The following ANKRD55 variants were observed in gnomAD, a reference collection of about 807,000 sequenced individuals.
The protein encoded by ANKRD55 is ankyrin repeat domain-containing protein 55.
A neutral mutation model predicts 60.6 loss-of-function variants in ANKRD55; 41 were observed. The observed-to-expected ratio is 0.68, with a 90% CI of 0.53 to 0.88. The LOEUF (loss-of-function observed/expected upper bound fraction) is 0.88, where lower values mean the gene tolerates loss of function less well. Among genes scored for constraint, ANKRD55 ranks in the 40% least tolerant of loss-of-function variants. The pLI is 0.00. For synonymous variants in ANKRD55, 264 were observed against 290.3 expected (o/e 0.91, Z 0.92); for missense variants, 732 against 767.6 (o/e 0.95, Z 0.55).
At chr5:56,196,912 C>G (rs116119628) in intron 2 of ANKRD55, among the ~76,000 whole-genome samples, 1,912 of 152,228 alleles carry the variant, frequency 0.013, 34 homozygotes, top group African/African-American at 0.043. Context: ...CACCTGGGAA[C>G]CTGTTGGAAA....
chr5:56,150,442 G>GAA (rs59173254), intron 6 of ANKRD55, among the ~76,000 whole-genome samples: 181 of 147,984 alleles, frequency 1.2e-3, no homozygotes, highest in Middle Eastern at 0.01. Context: ...TGCCTCTACA[G>GAA]AAAAAAAAAA....
intron 3 of ANKRD55, among the ~76,000 whole-genome samples, chr5:56,177,717 G>C (rs1398568434): frequency 6.6e-6 from 1 of 152,070 alleles, no homozygotes; most frequent in Non-Finnish European, 1.5e-5. Flanking sequence ...GGAGGTTGCA[G>C]TGAGCCGAGA....
chr5:56,129,510 T>G (rs150251743), intron 7 of ANKRD55, among the ~76,000 whole-genome samples: 2,143 of 151,896 alleles, frequency 0.014, 42 homozygotes, highest in Admixed American at 0.041. Flanking sequence ...GTGGGGAGAG[T>G]TGGGGAAGCC....
Position 56,184,141 on chromosome 5 carries a change from T to C in ANKRD55, c.59-507A>G, listed in dbSNP as rs765994596. ...CCCTTGCCGAGTGCTCCACCCAGGC[T>C]CCCTCACCCTTTTGCTTGCCCATGA... On this transcript the variant is annotated intron_variant, in intron 2 of 11. Transcript: ENST00000341048. 3.9e-4 allele frequency among the ~76,000 whole-genome samples: 60 copies of C among 152,270 alleles called. 1 individual carries two copies. The highest frequency in any genetic ancestry group is 7.5e-4 in the Non-Finnish European group (51 of 68,010).
intron 6 of ANKRD55, among the ~76,000 whole-genome samples, chr5:56,145,347 C>T (rs1251381446): frequency 1.3e-5 from 2 of 152,198 alleles, no homozygotes; most frequent in African/African-American, 4.8e-5. Context: ...AAACCTTCCC[C>T]AGGCCTGGGC....
chr5:56,197,998 C>G (rs1317478944), intron 2 of ANKRD55, among the ~76,000 whole-genome samples: 1 of 152,144 alleles, frequency 6.6e-6, no homozygotes, highest in Admixed American at 6.5e-5. Context: ...GTTTTCAGTT[C>G]ATTAGACTAT....
intron 2 of ANKRD55, among the ~76,000 whole-genome samples, chr5:56,210,447 A>G (rs1208523204): frequency 6.6e-6 from 1 of 151,130 alleles, no homozygotes; most frequent in African/African-American, 2.4e-5. Flanking sequence ...CTGTAGTCCC[A>G]GCTACTCAGG....
intron 7 of ANKRD55, among the ~76,000 whole-genome samples, chr5:56,131,942 GTTAA>G (rs1178636442): frequency 2.0e-5 from 3 of 150,726 alleles, no homozygotes; most frequent in Non-Finnish European, 4.4e-5. Context: ...ATTTTTTATT[GTTAA>G]TTAACCTAGG....
At chr5:56,192,607 T>TA (rs1346018049) in intron 2 of ANKRD55, 1 of 645,650 alleles carries the variant, frequency 1.5e-6, no homozygotes, top group Non-Finnish European at 2.7e-6. Context: ...CAATAGGGTT[T>TA]ATTTTATTTT....
At chr5:56,103,521 A>G (rs1007295017) in intron 10 of ANKRD55, among the ~76,000 whole-genome samples, 3 of 152,220 alleles carry the variant, frequency 2.0e-5, no homozygotes, top group African/African-American at 7.2e-5. Context: ...TCTGGGGTCA[A>G]ACAGAATTAG....
chr5:56,127,404 C>G (rs572496757), intron 7 of ANKRD55: 2 of 984,646 alleles, frequency 2.0e-6, no homozygotes, highest in Non-Finnish European at 2.4e-6. Flanking sequence ...AATGGACTGA[C>G]GTCAGAGCTA....
At chr5:56,166,421 C>G (rs571923628) in intron 5 of ANKRD55, among the ~76,000 whole-genome samples, 9 of 151,814 alleles carry the variant, frequency 5.9e-5, no homozygotes, top group African/African-American at 2.2e-4. Context: ...CTATGCCTGG[C>G]TACTTTTTTA....
At chr5:56,109,286 G>C (rs963707257) in intron 10 of ANKRD55, among the ~76,000 whole-genome samples, 3 of 152,194 alleles carry the variant, frequency 2.0e-5, no homozygotes, top group Non-Finnish European at 4.4e-5. Context: ...GGGGACAGTG[G>C]TGTCTAAGTG....
chr5:56,166,161 C>CTTTCTTTCTTTCTTTCTTT (rs1208005252), intron 5 of ANKRD55, among the ~76,000 whole-genome samples: 15 of 23,644 alleles, frequency 6.3e-4, no homozygotes, highest in South Asian at 1.5e-3. Flanking sequence ...TTTCTTCTTT[C>CTTTCTTTCTTTCTTTCTTT]CTTCCTTCCT....
At chr5:56,221,172 C>T (rs1322157291) in intron 2 of ANKRD55, among the ~76,000 whole-genome samples, 1 of 152,196 alleles carries the variant, frequency 6.6e-6, no homozygotes. Flanking sequence ...ATCTCCTATG[C>T]TTGCCTTTCA....
chr5:56,163,413 G>A (rs1758379362), intron 5 of ANKRD55, among the ~76,000 whole-genome samples: 1 of 152,054 alleles, frequency 6.6e-6, no homozygotes. Context: ...CTTCCCCCGA[G>A]CTCTCATTTT....
chr5:56,182,926 A>G (rs2111831316), intron 3 of ANKRD55, among the ~76,000 whole-genome samples: 1 of 152,274 alleles, frequency 6.6e-6, no homozygotes, highest in East Asian at 1.9e-4. Context: ...CTTTTGCCAG[A>G]GAGAGAAGGC....
chr5:56,207,087 G>A (rs535986206), intron 2 of ANKRD55, among the ~76,000 whole-genome samples: 7 of 152,268 alleles, frequency 4.6e-5, no homozygotes, highest in South Asian at 2.1e-4. Context: ...TAAGTGAATC[G>A]CCCTTCTATC....
intron 10 of ANKRD55, among the ~76,000 whole-genome samples, chr5:56,105,275 T>C (rs549979690): frequency 1.3e-5 from 2 of 152,054 alleles, no homozygotes; most frequent in African/African-American, 4.8e-5. Flanking sequence ...TTAGTAGAGA[T>C]GGGGTTTCAC....
Sources: allele counts gnomAD v4.1 joint callset (sites outside exome capture counted in the v4.1 genomes callset), GRCh38; gene constraint gnomAD v4.1.1; transcripts MANE v1.5; gene names NCBI Gene and HGNC (gene_info 2026-07-23, HGNC 2026-07-21).